KLHL22: variants seen among roughly 807,000 people sequenced by gnomAD.
KLHL22 encodes the protein kelch like family member 22, also known as kelch-like protein 22.
In KLHL22, 18 loss-of-function variants were observed where a neutral mutation model predicts 60.7. The observed-to-expected ratio is 0.30, with a 90% CI of 0.20 to 0.44. The LOEUF (loss-of-function observed/expected upper bound fraction) is 0.44, where lower values mean the gene tolerates loss of function less well. KLHL22 is among the 20% of genes least tolerant of loss of function. The probability of loss-of-function intolerance (pLI) is 1.00; values close to 1 mark genes in which losing one functional copy is unlikely to be tolerated. For missense variants in KLHL22, 596 were observed against 852.3 expected, an observed-to-expected ratio of 0.70 and a Z score of 3.74; for synonymous variants, 355 against 354.5, an observed-to-expected ratio of 1.00 and a Z score of -0.01.
At chr22:20,484,074 G>A in intron 2 of KLHL22, 1 of 982,632 alleles carries the variant, frequency 1.0e-6, no homozygotes, top group South Asian at 1.3e-5. Flanking sequence ...CCAGTAGTTG[G>A]TGGAGAAGGT....
At chr22:20,488,691 G>GGGGAGGGGAGAGGAGGGGAGGGGAA in intron 2 of KLHL22, 2 of 469,144 alleles carry the variant, frequency 4.3e-6, no homozygotes, top group Non-Finnish European at 7.8e-6. Context: ...AGGGAGGGGA[G>GGGGAGGGGAGAGGAGGGGAGGGGAA]GAGAGAAAGG....
At chr22:20,448,711 C>A (rs892277635) in intron 5 of KLHL22, among the ~76,000 whole-genome samples, 1 of 151,846 alleles carries the variant, frequency 6.6e-6, no homozygotes, top group Non-Finnish European at 1.5e-5. Context: ...ATTACAGGCA[C>A]GCATCACCAT....
In KLHL22 at chr22:20,460,610, C is replaced by CAAAA. The variant is rs60765839; in HGVS notation, c.1113-2614_1113-2611dup. Among the ~76,000 whole-genome samples, 9 of 9,446 alleles carry CAAAA rather than the reference C, an allele frequency of 9.5e-4. 4 individuals are homozygous for CAAAA. Among genetic ancestry groups the CAAAA allele is most frequent in the South Asian group, 0.012 (2 of 168 alleles). 6.2% of individuals were successfully genotyped at this position (9,446 alleles called of 152,430 possible). On this transcript the variant is annotated intron_variant, in intron 4 of 6. Transcript: ENST00000328879. ...GGCGACAGAGTGAAACTCCATCCCC[C>CAAAA]AAAAAAAAAAAAAAAAAAAAAAAAA... is the stretch of plus-strand genomic sequence containing the variant.
intron 4 of KLHL22, among the ~76,000 whole-genome samples, chr22:20,461,788 C>T (rs1293407081): frequency 6.6e-6 from 1 of 151,686 alleles, no homozygotes; most frequent in Non-Finnish European, 1.5e-5. Context: ...CATGGTGAAA[C>T]TCCATCTCTA....
intron 2 of KLHL22, among the ~76,000 whole-genome samples, chr22:20,487,990 T>C (rs2053614087): frequency 6.6e-6 from 1 of 152,130 alleles, no homozygotes; most frequent in African/African-American, 2.4e-5. Context: ...CTCAGCTGAA[T>C]TTCCCTGGTG....
chr22:20,465,504 A>G lies in KLHL22; in HGVS notation c.466T>C (p.Tyr156His). The change falls in exon 4 of 7, where the codon TAC becomes CAC. Residue 156 changes from tyrosine (Y) to histidine (H), a missense_variant. Transcript: ENST00000328879. This position sits in a 1 kb window ranked among gnomAD's most constrained non-coding sequence, Gnocchi z 4.9. The part of the protein sequence containing the change: ...WVDEENILDV[Y>H]RLAELFDLSR... ...AAGTCAAACAGCTCTGCCAGCCGGT[A>G]GACATCGAGAATGTTCTCTTCGTCC... The G allele has an allele frequency of 1.9e-6, 3 of 1,611,522 alleles. No homozygotes were observed. The highest frequency in any genetic ancestry group is 2.5e-6 in the Non-Finnish European group (3 of 1,177,598).
intron 5 of KLHL22, chr22:20,450,399 A>C (rs2052957669): frequency 6.8e-7 from 1 of 1,477,772 alleles, no homozygotes; most frequent in Non-Finnish European, 9.5e-7. Flanking sequence ...GTGTACACGG[A>C]AACAGTACAT....
At position 20,495,619 on chromosome 22, in the gene KLHL22, C is replaced by G. The variant is rs2053756876; in HGVS notation, c.-34+141G>C. 1 of 150,738 alleles carries G rather than the reference C, an allele frequency of 6.6e-6. No homozygotes were observed. The highest frequency in any genetic ancestry group is 2.4e-5 in the African/African-American group (1 of 41,106). 9.3% of individuals were successfully genotyped at this position (150,738 alleles called of 1,614,324 possible). A position where few individuals can be genotyped will look rare whatever the true frequency, so the allele number is the denominator to read the frequency against. ...GCGGGCTCTCCTCAGGTCGCCGCCC[C>G]CGAGCCTCCGGCCCGCGCCCGCCCC... is the stretch of plus-strand genomic sequence containing the variant. On this transcript the variant is annotated intron_variant, in intron 1 of 6. Coordinates refer to ENST00000328879, the MANE Select transcript of KLHL22 (RefSeq NM_032775.4). This position sits in a 1 kb window ranked among gnomAD's most constrained non-coding sequence, Gnocchi z 4.6.
In KLHL22 at chr22:20,443,516, T is replaced by G. The variant is rs555159930; in HGVS notation, c.1540-1078A>C. 3.6e-4 allele frequency among the ~76,000 whole-genome samples: 54 copies of G among 148,840 alleles called. 2 individuals carry two copies. The South Asian group carries it at 8.8e-3, about 24-fold the overall frequency. ...AGCACTTTGGGAGGCCAAGGCGGGC[T>G]GATCACAAGGTCAAGAGATCAAGAC... On this transcript the variant is annotated intron_variant, in intron 6 of 6. Coordinates refer to ENST00000328879, the MANE Select transcript of KLHL22 (RefSeq NM_032775.4).
At chr22:20,463,019 C>T (rs1333893409) in intron 4 of KLHL22, among the ~76,000 whole-genome samples, 1 of 152,126 alleles carries the variant, frequency 6.6e-6, no homozygotes, top group Non-Finnish European at 1.5e-5. Flanking sequence ...AGTTCTAAGG[C>T]TGATGAAATG....
intron 2 of KLHL22, among the ~76,000 whole-genome samples, chr22:20,472,993 A>C (rs913128651): frequency 6.6e-6 from 1 of 152,168 alleles, no homozygotes; most frequent in Admixed American, 6.5e-5. Context: ...AGTGAGCAGA[A>C]AGTGGGATGG....
At chr22:20,476,991 C>T (rs2053425838) in intron 2 of KLHL22, among the ~76,000 whole-genome samples, 1 of 150,984 alleles carries the variant, frequency 6.6e-6, no homozygotes, top group Non-Finnish European at 1.5e-5. Context: ...CAGGTGTGAG[C>T]CACCACGTCT....
chr22:20,475,825 G>A (rs984202991), intron 2 of KLHL22, among the ~76,000 whole-genome samples: 1 of 152,180 alleles, frequency 6.6e-6, no homozygotes, highest in Non-Finnish European at 1.5e-5. Flanking sequence ...GGCTCCCAAA[G>A]TGCTGGGATT....
rs752426266 is a variant in KLHL22 at position 20,442,176 on chromosome 22, G to A, written c.1802C>T (p.Pro601Leu). 22 of 1,565,972 alleles carry A rather than the reference G, an allele frequency of 1.4e-5. No homozygotes were observed. The East Asian group carries it at 2.3e-4, about 16-fold the overall frequency. ...GCTGCGGTCAGGGGTCCCGCGGGGC[G>A]GCTCAAGGAGCAGGGAGCGGGGCAG... is the stretch of plus-strand genomic sequence containing the variant. Reference protein sequence around the residue: ...LTLPRSLLLEPPRGTPDRSQA... With the variant: ...LTLPRSLLLELPRGTPDRSQA... Residue 601 changes from proline (P) to leucine (L), a missense_variant, in exon 7 of 7, where the codon CCG (proline) becomes CTG (leucine). Physicochemically the swap from Pro to Leu is moderately conservative, Grantham distance 98. Transcript: ENST00000328879.
At position 20,442,515 on chromosome 22, in the gene KLHL22, A is replaced by G. The variant is rs1601315152; in HGVS notation, c.1540-77T>C. ...CAGCTCCCCCACAAGCCCACTGACC[A>G]AGGTGGCAACAGTTACCCACCATTC... On this transcript the variant is annotated intron_variant, in intron 6 of 6. Coordinates refer to ENST00000328879, the MANE Select transcript of KLHL22 (RefSeq NM_032775.4). 4 of 1,482,286 alleles carry G rather than the reference A, an allele frequency of 2.7e-6. No homozygotes were observed. In the East Asian group the frequency reaches 9.6e-5, roughly 36 times the overall value. 91.8% of individuals were successfully genotyped at this position (1,482,286 alleles called of 1,614,324 possible).
intron 3 of KLHL22, among the ~76,000 whole-genome samples, chr22:20,467,739 A>C (rs1055642593): frequency 6.6e-6 from 1 of 152,116 alleles, no homozygotes; most frequent in Non-Finnish European, 1.5e-5. Context: ...GCTCACTGCA[A>C]GCTCCGCCTC....
At chr22:20,466,589 C>T (rs1472953099) in intron 3 of KLHL22, among the ~76,000 whole-genome samples, 1 of 152,106 alleles carries the variant, frequency 6.6e-6, no homozygotes, top group Non-Finnish European at 1.5e-5. Flanking sequence ...ACCCTGGTTC[C>T]CTAGAAGTGC....
At chr22:20,459,551 G>A (rs1200125694) in intron 4 of KLHL22, among the ~76,000 whole-genome samples, 1 of 152,216 alleles carries the variant, frequency 6.6e-6, no homozygotes, top group Admixed American at 6.5e-5. Context: ...CTATCAAGAA[G>A]AATCATAAAA....
chr22:20,451,534 G>T, intron 5 of KLHL22: 1 of 1,597,342 alleles, frequency 6.3e-7, no homozygotes, highest in South Asian at 1.1e-5. Context: ...CCTGCTGAAT[G>T]ACCGTATTTA....
Sources: gnomAD v4.1 joint callset for allele counts (sites outside exome capture counted in the v4.1 genomes callset) on GRCh38, gnomAD v4.1.1 for gene constraint, Gnocchi (gnomAD v3.1) non-coding constraint, MANE v1.5 for transcripts, NCBI Gene and HGNC (gene_info 2026-07-23, HGNC 2026-07-21) for gene names.